The following SLC67A2 variants were observed in gnomAD, a reference collection of about 807,000 sequenced individuals.
SLC67A2 encodes solute carrier family 67 member 2.
chr2:102,732,292 C>T, the SLC67A2 span: 10 of 1,558,486 alleles, frequency 6.4e-6, no homozygotes, highest in South Asian at 1.0e-4. Context: ...AAATTCAGTG[C>T]TCTAAAAATG....
At chr2:102,718,788 GTGCCTGC>G in the SLC67A2 span, 1 of 1,613,826 alleles carries the variant, frequency 6.2e-7, no homozygotes, top group Non-Finnish European at 8.5e-7. Context: ...TGCAGCAGCA[GTGCCTGC>G]GAGTTGTGCT....
At chr2:102,732,275 G>A in the SLC67A2 span, 2 of 1,465,746 alleles carry the variant, frequency 1.4e-6, no homozygotes, top group Non-Finnish European at 1.9e-6. Context: ...TTGGTTCAGA[G>A]GATTTAAAAT....
At chr2:102,736,816 C>T in the SLC67A2 span, 1 of 1,596,194 alleles carries the variant, frequency 6.3e-7, no homozygotes, top group Non-Finnish European at 8.6e-7. Context: ...TCCATACCCG[C>T]GCCGGCCGGG....
chr2:102,724,638 T>C, the SLC67A2 span, among the ~76,000 whole-genome samples: 2 of 152,154 alleles, frequency 1.3e-5, no homozygotes, highest in East Asian at 3.9e-4. Context: ...AGCGGCCCAC[T>C]ATTTTGATCA....
chr2:102,735,652 T>C, the SLC67A2 span, among the ~76,000 whole-genome samples: 1 of 152,186 alleles, frequency 6.6e-6, no homozygotes, highest in African/African-American at 2.4e-5. Context: ...TTGCAGATAA[T>C]GGCCCAGAAA....
At chr2:102,723,665 T>C in the SLC67A2 span, 2 of 1,590,926 alleles carry the variant, frequency 1.3e-6, no homozygotes, top group Non-Finnish European at 1.7e-6. Flanking sequence ...TCAGTATGAA[T>C]ACACAAAACA....
the SLC67A2 span, chr2:102,719,179 T>A: frequency 1.2e-6 from 2 of 1,613,316 alleles, no homozygotes; most frequent in African/African-American, 2.7e-5. Context: ...CCGGTTTTGC[T>A]TCCCTCCATG....
At chr2:102,730,277 T>C in the SLC67A2 span, among the ~76,000 whole-genome samples, 1 of 152,184 alleles carries the variant, frequency 6.6e-6, no homozygotes, top group Non-Finnish European at 1.5e-5. Context: ...CTTGAATTCC[T>C]GGGCTCAAGC....
the SLC67A2 span, among the ~76,000 whole-genome samples, chr2:102,729,523 C>G: frequency 6.6e-6 from 1 of 152,186 alleles, no homozygotes; most frequent in East Asian, 1.9e-4. Context: ...TCAAACTTTT[C>G]TCTCACAAGA....
chr2:102,720,016 G>C, the SLC67A2 span, among the ~76,000 whole-genome samples: 3 of 152,224 alleles, frequency 2.0e-5, no homozygotes, highest in Non-Finnish European at 4.4e-5. Context: ...CATAGGACTA[G>C]CACATTCTTG....
the SLC67A2 span, chr2:102,718,570 G>A: frequency 6.2e-6 from 10 of 1,613,054 alleles, no homozygotes; most frequent in African/African-American, 2.7e-5. Context: ...GGAGAGGGGC[G>A]ATGATGCGGC....
the SLC67A2 span, among the ~76,000 whole-genome samples, chr2:102,729,986 C>T: frequency 2.6e-5 from 4 of 151,982 alleles, no homozygotes; most frequent in South Asian, 4.1e-4. Context: ...AATATGAGAC[C>T]CCCAGGCCAG....
At chr2:102,719,188 T>C in the SLC67A2 span, 1 of 1,612,828 alleles carries the variant, frequency 6.2e-7, no homozygotes, top group African/African-American at 1.3e-5. Flanking sequence ...CTTCCCTCCA[T>C]GGAAAGAACC....
the SLC67A2 span, chr2:102,732,267 G>T: frequency 3.6e-6 from 5 of 1,388,532 alleles, no homozygotes; most frequent in Non-Finnish European, 5.1e-6. Context: ...TCAGGTACTT[G>T]GTTCAGAGGA....
At chr2:102,718,728 T>TG in the SLC67A2 span, 1 of 1,613,834 alleles carries the variant, frequency 6.2e-7, no homozygotes, top group Non-Finnish European at 8.5e-7. Context: ...GCACCCATGG[T>TG]GGGGGCCAAG....
At chr2:102,719,791 T>G in the SLC67A2 span, among the ~76,000 whole-genome samples, 1 of 152,172 alleles carries the variant, frequency 6.6e-6, no homozygotes, top group Non-Finnish European at 1.5e-5. Context: ...CTGCCACATA[T>G]GTGACAGCCT....
At chr2:102,719,774 G>A in the SLC67A2 span, among the ~76,000 whole-genome samples, 1 of 152,212 alleles carries the variant, frequency 6.6e-6, no homozygotes, top group Non-Finnish European at 1.5e-5. Context: ...GCTGGGGCAA[G>A]TGCAGGCTGC....
the SLC67A2 span, chr2:102,723,971 A>G: frequency 5.9e-6 from 8 of 1,365,876 alleles, no homozygotes; most frequent in Non-Finnish European, 8.4e-6. Context: ...CTTACTTATG[A>G]TCCTGTGCTT....
At chr2:102,715,208 A>G in the SLC67A2 span, among the ~76,000 whole-genome samples, 1 of 152,252 alleles carries the variant, frequency 6.6e-6, no homozygotes, top group African/African-American at 2.4e-5. Context: ...CTAAAACAGG[A>G]GTGTCTTCAC....
Sources: allele counts gnomAD v4.1 joint callset (sites outside exome capture counted in the v4.1 genomes callset), GRCh38; gene constraint gnomAD v4.1.1; transcripts MANE v1.5; gene names NCBI Gene and HGNC (gene_info 2026-07-23, HGNC 2026-07-21).